ZNF721: variants seen among roughly 807,000 people sequenced by gnomAD.
ZNF721 encodes the protein zinc finger protein 721.
In ZNF721, 2 loss-of-function variants were observed where a neutral mutation model predicts 2.4. That is an observed-to-expected ratio of 0.82 (90% confidence interval 0.34 to 2.58). The LOEUF (loss-of-function observed/expected upper bound fraction) is 2.58. Ranked by LOEUF, ZNF721 falls within the 30% of genes most tolerant of loss-of-function variation. The pLI, the probability that ZNF721 is intolerant of heterozygous loss-of-function variation, is 0.11. For missense variants in ZNF721, 1,187 were observed against 1,085.5 expected, an observed-to-expected ratio of 1.09 and a Z score of -1.31; for synonymous variants, 398 against 381.8, an observed-to-expected ratio of 1.04 and a Z score of -0.50.
intron 1 of ZNF721, among the ~76,000 whole-genome samples, chr4:479,550 G>A (rs781796494): frequency 6.6e-6 from 1 of 152,240 alleles, no homozygotes; most frequent in Non-Finnish European, 1.5e-5. Context: ...TCAGGGACCA[G>A]GGGGCTGCAG....
At chr4:444,778 A>G (rs1490248163) in intron 2 of ZNF721, among the ~76,000 whole-genome samples, 1 of 152,222 alleles carries the variant, frequency 6.6e-6, no homozygotes, top group Non-Finnish European at 1.5e-5. Context: ...TTAAAAGAGA[A>G]GAAAAATACT....
intron 2 of ZNF721, among the ~76,000 whole-genome samples, chr4:464,836 T>C (rs1223303599): frequency 6.6e-6 from 1 of 151,830 alleles, no homozygotes; most frequent in South Asian, 2.1e-4. Context: ...TCCCAGCACT[T>C]TGGGAGGCCG....
At chr4:459,322 G>A (rs1175920247) in intron 2 of ZNF721, among the ~76,000 whole-genome samples, 2 of 152,064 alleles carry the variant, frequency 1.3e-5, no homozygotes, top group African/African-American at 2.4e-5. Flanking sequence ...AATGTAAAAC[G>A]GCTAAATGCC....
Position 441,673 on chromosome 4 carries a change from CTTAAAGGCT to C in ZNF721, c.*13_*21del. On this transcript the variant is annotated 3_prime_UTR_variant, in exon 3 of 3. Coordinates refer to ENST00000511833, the MANE Select transcript of ZNF721 (RefSeq NM_133474.4). ...TATGTTTAAGAATGCTGTAGTATGA[CTTAAAGGCT>C]TTGCCACATTCTTTACACTTGTATG... 4 of 1,569,634 alleles carry C rather than the reference CTTAAAGGCT, an allele frequency of 2.5e-6. No homozygotes were observed. The highest frequency in any genetic ancestry group is 3.5e-6 in the Non-Finnish European group (4 of 1,154,370).
chr4:452,445 ACAT>A lies in ZNF721; in HGVS notation c.35-8016_35-8014del, dbSNP rs569419134. ...TTATTGGCTTGTTTGGATTGTGGAG[ACAT>A]CATATGCCCCACATGGGTAACATTT... is the stretch of plus-strand genomic sequence containing the variant. On this transcript the variant is annotated intron_variant, in intron 2 of 2. Coordinates refer to ENST00000511833, the MANE Select transcript of ZNF721 (RefSeq NM_133474.4). Among the ~76,000 whole-genome samples, 278 of 152,300 alleles carry A rather than the reference ACAT, an allele frequency of 1.8e-3. 2 individuals carry two copies. Among genetic ancestry groups the A allele is most frequent in the Non-Finnish European group, 2.9e-3 (194 of 68,016 alleles).
chr4:467,239 A>C (rs1276546838), intron 2 of ZNF721, among the ~76,000 whole-genome samples: 1 of 130,852 alleles, frequency 7.6e-6, no homozygotes, highest in Non-Finnish European at 1.6e-5. Context: ...AACAAACAAA[A>C]AAGGATGTGG....
At chr4:457,831 T>A (rs1714892568) in intron 2 of ZNF721, among the ~76,000 whole-genome samples, 1 of 152,212 alleles carries the variant, frequency 6.6e-6, no homozygotes, top group African/African-American at 2.4e-5. Context: ...CCTGTAGGCA[T>A]GCTGACTTTA....
chr4:463,129 T>C (rs1553866303), intron 2 of ZNF721, among the ~76,000 whole-genome samples: 1 of 152,200 alleles, frequency 6.6e-6, no homozygotes, highest in Non-Finnish European at 1.5e-5. Context: ...AGAAGACATT[T>C]ATGTGGCCAA....
rs973207932 is a variant in ZNF721 at position 473,081 on chromosome 4, T to C, written c.-93-380A>G. ...ACAGAAATGTTTCCACCCAGAACAA[T>C]AGACAGGATGTGAGGGGAGGGCACA... is the stretch of plus-strand genomic sequence containing the variant. On this transcript the variant is annotated intron_variant, in intron 1 of 2. Coordinates refer to ENST00000511833, the MANE Select transcript of ZNF721 (RefSeq NM_133474.4). 4.6e-5 allele frequency among the ~76,000 whole-genome samples: 7 copies of C among 152,036 alleles called. No individual in the cohort carries two copies. The South Asian group carries it at 6.2e-4, about 14-fold the overall frequency.
At chr4:478,299 T>C (rs1715685575) in intron 1 of ZNF721, among the ~76,000 whole-genome samples, 1 of 152,194 alleles carries the variant, frequency 6.6e-6, no homozygotes, top group Non-Finnish European at 1.5e-5. Context: ...AGTAGACTAC[T>C]AAAAATATTT....
intron 2 of ZNF721, among the ~76,000 whole-genome samples, chr4:449,747 G>A (rs1357054468): frequency 1.3e-5 from 2 of 152,126 alleles, no homozygotes; most frequent in African/African-American, 4.8e-5. Context: ...ATAGGCAAGA[G>A]ACTTTAAGAG....
chr4:465,951 A>C (rs546032801), intron 2 of ZNF721, among the ~76,000 whole-genome samples: 1 of 151,928 alleles, frequency 6.6e-6, no homozygotes, highest in African/African-American at 2.4e-5. Context: ...AATGGTAGTC[A>C]TAAGTTATTT....
chr4:490,166 G>C (rs1457321827), intron 1 of ZNF721, among the ~76,000 whole-genome samples: 1 of 150,996 alleles, frequency 6.6e-6, no homozygotes, highest in East Asian at 2.0e-4. Context: ...CCAACATTTT[G>C]GATACAGTAA....
At chr4:481,383 G>T (rs545170439) in intron 1 of ZNF721, among the ~76,000 whole-genome samples, 2 of 152,250 alleles carry the variant, frequency 1.3e-5, no homozygotes, top group African/African-American at 2.4e-5. Flanking sequence ...TGGGTAAGAG[G>T]TAAGAGCTCA....
At chr4:461,077 G>A (rs1553866005) in intron 2 of ZNF721, among the ~76,000 whole-genome samples, 1 of 152,110 alleles carries the variant, frequency 6.6e-6, no homozygotes, top group African/African-American at 2.4e-5. Context: ...AGAAAAAGAG[G>A]GACTCCTCCC....
At position 444,903 on chromosome 4, in the gene ZNF721, G is replaced by A. The variant is rs782089470; in HGVS notation, c.35-471C>T. ...CTTTGGAAGAACAACTTGGGTATTC[G>A]AAGACAAAATATAAATATTTCAAAA... On this transcript the variant is annotated intron_variant, in intron 2 of 2. Transcript: ENST00000511833. Among the ~76,000 whole-genome samples, 79 of 151,274 alleles carry A rather than the reference G, an allele frequency of 5.2e-4. 3 individuals carry two copies. Among genetic ancestry groups the A allele is most frequent in the Non-Finnish European group, 1.3e-4 (9 of 67,936 alleles).
intron 2 of ZNF721, among the ~76,000 whole-genome samples, chr4:464,842 G>A (rs985209174): frequency 1.3e-5 from 2 of 152,240 alleles, no homozygotes; most frequent in Admixed American, 6.5e-5. Context: ...CACTTTGGGA[G>A]GCCGAGGCGG....
At chr4:475,361 C>A (rs1249677210) in intron 1 of ZNF721, among the ~76,000 whole-genome samples, 1 of 152,088 alleles carries the variant, frequency 6.6e-6, no homozygotes, top group Non-Finnish European at 1.5e-5. Flanking sequence ...TAAACCATCA[C>A]CCTCTACAGG....
intron 1 of ZNF721, chr4:473,995 A>T (rs1294726875): frequency 1.3e-6 from 2 of 1,504,794 alleles, no homozygotes; most frequent in African/African-American, 1.4e-5. Context: ...TCTCAGCTTC[A>T]AGGGTGTCGC....
Sources: allele counts gnomAD v4.1 joint callset (sites outside exome capture counted in the v4.1 genomes callset), GRCh38; gene constraint gnomAD v4.1.1; transcripts MANE v1.5; gene names NCBI Gene and HGNC (gene_info 2026-07-23, HGNC 2026-07-21).